Variants in TAF3 observed in about 807,000 individuals in gnomAD.
TAF3 encodes transcription initiation factor TFIID subunit 3.
TAF3 carries 7 observed loss-of-function variants against 80.6 expected under a neutral mutation model. That is an observed-to-expected ratio of 0.09 (90% CI 0.05 to 0.16). The LOEUF (loss-of-function observed/expected upper bound fraction) is 0.16, where lower values mean the gene tolerates loss of function less well. Among genes scored for constraint, TAF3 ranks in the 10% least tolerant of loss-of-function variants. The pLI is 1.00. For synonymous variants in TAF3, 444 were observed against 446.1 expected, an observed-to-expected ratio of 1.00 and a Z score of 0.06; for missense variants, 921 against 1,140.2, an observed-to-expected ratio of 0.81 and a Z score of 2.77.
chr10:7,871,740 GGCCAACGATT>G (rs1837268907), intron 2 of TAF3, among the ~76,000 whole-genome samples: 1 of 152,072 alleles, frequency 6.6e-6, no homozygotes, highest in Non-Finnish European at 1.5e-5. Context: ...CACCGCGCCA[GGCCAACGATT>G]GCTATTTTGA....
intron 2 of TAF3, among the ~76,000 whole-genome samples, chr10:7,878,971 G>C (rs1379589325): frequency 6.6e-6 from 1 of 152,084 alleles, no homozygotes; most frequent in Middle Eastern, 3.4e-3. Flanking sequence ...CAAGCAATCC[G>C]CTCACCTCAG....
chr10:8,013,163 C>G (rs777924214), intron 5 of TAF3, among the ~76,000 whole-genome samples: 1 of 152,174 alleles, frequency 6.6e-6, no homozygotes, highest in Non-Finnish European at 1.5e-5. Flanking sequence ...CTAAAAATGT[C>G]ATAAAGGGAA....
intron 2 of TAF3, among the ~76,000 whole-genome samples, chr10:7,861,557 A>T (rs1489769583): frequency 2.6e-5 from 4 of 152,156 alleles, no homozygotes; most frequent in African/African-American, 7.2e-5. Flanking sequence ...AAAAAAGTCC[A>T]TAAAAAATGA....
intron 2 of TAF3, among the ~76,000 whole-genome samples, chr10:7,848,512 G>A (rs1002652992): frequency 2.6e-5 from 4 of 152,136 alleles, no homozygotes; most frequent in African/African-American, 9.7e-5. Context: ...ATCTCAGCAG[G>A]CACCCAGTCA....
chr10:7,953,698 A>G (rs2986978), intron 2 of TAF3, among the ~76,000 whole-genome samples: 136,475 of 152,274 alleles, frequency 0.9, 61,288 homozygotes, highest in East Asian at 0.99. Flanking sequence ...GATTAAGGAC[A>G]GCCAATCATG....
chr10:7,919,883 T>C (rs1220888997), intron 2 of TAF3, among the ~76,000 whole-genome samples: 1 of 152,152 alleles, frequency 6.6e-6, no homozygotes, highest in African/African-American at 2.4e-5. Context: ...TAGAAAAATA[T>C]TGTATACATT....
chr10:7,943,755 G>A (rs1424018249), intron 2 of TAF3, among the ~76,000 whole-genome samples: 6 of 152,188 alleles, frequency 3.9e-5, no homozygotes, highest in Non-Finnish European at 5.9e-5. Flanking sequence ...AATTAGTTGT[G>A]TGTGTTTTCA....
intron 4 of TAF3, among the ~76,000 whole-genome samples, chr10:7,988,469 G>A (rs112309971): frequency 0.011 from 1,645 of 149,714 alleles, 20 homozygotes; most frequent in Middle Eastern, 0.031. Flanking sequence ...CTACTCAGGA[G>A]GTTGAGGCAG....
At chr10:7,926,856 G>A (rs11255445) in intron 2 of TAF3, among the ~76,000 whole-genome samples, 6,644 of 152,056 alleles carry the variant, frequency 0.044, 261 homozygotes, top group Admixed American at 0.11. Flanking sequence ...TTACTTTATC[G>A]TAACAACTTT....
intron 2 of TAF3, among the ~76,000 whole-genome samples, chr10:7,903,958 G>A (rs1837583190): frequency 6.6e-6 from 1 of 152,144 alleles, no homozygotes; most frequent in South Asian, 2.1e-4. Flanking sequence ...GGTATTGTAG[G>A]TATCTGGAAA....
chr10:7,996,441 G>A lies in TAF3; in HGVS notation c.2316-12637G>A, dbSNP rs568312500. Among the ~76,000 whole-genome samples the A allele has an allele frequency of 3.2e-4, 49 of 152,286 alleles. No individual in the cohort carries two copies. The South Asian group carries it at 3.3e-3, about 10-fold the overall frequency. ...CCATCCAGCTCAGCCTGTCCAGTCC[G>A]TGAGGGAACTGTGCCAGTGTGTGAA... is the stretch of plus-strand genomic sequence containing the variant. On this transcript the variant is annotated intron_variant, in intron 4 of 6. Coordinates refer to ENST00000344293, the MANE Select transcript of TAF3 (RefSeq NM_031923.4).
intron 4 of TAF3, among the ~76,000 whole-genome samples, chr10:7,993,878 ATCT>A (rs1831857870): frequency 7.1e-6 from 1 of 141,824 alleles, no homozygotes; most frequent in East Asian, 2.0e-4. Context: ...TAAATATACA[ATCT>A]TTTTTTTTTT....
chr10:7,956,355 C>T (rs990355512), intron 2 of TAF3, among the ~76,000 whole-genome samples: 4 of 152,020 alleles, frequency 2.6e-5, no homozygotes, highest in Non-Finnish European at 4.4e-5. Flanking sequence ...GACATAGTGG[C>T]ACGTGCCTAT....
chr10:7,955,556 G>A (rs1278878646), intron 2 of TAF3, among the ~76,000 whole-genome samples: 9 of 152,230 alleles, frequency 5.9e-5, no homozygotes, highest in African/African-American at 1.2e-4. Context: ...TGTGTAGTTA[G>A]TCAGATAAAA....
intron 2 of TAF3, among the ~76,000 whole-genome samples, chr10:7,849,094 A>G (rs540513064): frequency 2.6e-4 from 39 of 152,300 alleles, no homozygotes; most frequent in African/African-American, 9.4e-4. Context: ...CAACACTTAC[A>G]TGTTTCCTTA....
chr10:7,864,009 AT>A (rs1837183933), intron 2 of TAF3, among the ~76,000 whole-genome samples: 1 of 152,104 alleles, frequency 6.6e-6, no homozygotes, highest in Non-Finnish European at 1.5e-5. Context: ...CTGCTCCTTC[AT>A]CCCCTTATCC....
intron 2 of TAF3, among the ~76,000 whole-genome samples, chr10:7,882,607 T>C (rs1007453426): frequency 6.6e-6 from 1 of 152,190 alleles, no homozygotes; most frequent in African/African-American, 2.4e-5. Context: ...GGGGTATACT[T>C]GGACTCAACA....
chr10:7,913,205 G>C (rs1309343786), intron 2 of TAF3, among the ~76,000 whole-genome samples: 1 of 152,180 alleles, frequency 6.6e-6, no homozygotes, highest in Non-Finnish European at 1.5e-5. Context: ...TAAAGGCCCT[G>C]TGTCTACATA....
At chr10:7,864,947 G>A (rs189563973) in intron 2 of TAF3, among the ~76,000 whole-genome samples, 5 of 152,204 alleles carry the variant, frequency 3.3e-5, no homozygotes, top group Non-Finnish European at 5.9e-5. Flanking sequence ...GGTTTTGGGT[G>A]GCTGGGGTGG....
Sources: allele counts gnomAD v4.1 joint callset (sites outside exome capture counted in the v4.1 genomes callset), GRCh38; gene constraint gnomAD v4.1.1; transcripts MANE v1.5; gene names NCBI Gene and HGNC (gene_info 2026-07-23, HGNC 2026-07-21).